The following FAT3 variants were observed in gnomAD, a reference collection of about 807,000 sequenced individuals.
The protein encoded by FAT3 is FAT atypical cadherin 3.
FAT3 carries 95 observed loss-of-function variants against 310.2 expected under a neutral mutation model. The ratio of observed to expected loss-of-function variants is 0.31; its 90% CI spans 0.26 to 0.36. FAT3 has a LOEUF of 0.36. Among genes scored for constraint, FAT3 ranks in the 10% least tolerant of loss-of-function variants. The pLI is 1.00. For synonymous variants in FAT3, 2,314 were observed against 2,192.9 expected (o/e 1.06, Z -1.54); for missense variants, 5,408 against 5,715.6 (o/e 0.95, Z 1.74).
intron 2 of FAT3, among the ~76,000 whole-genome samples, chr11:92,413,830 A>G (rs1950349484): frequency 6.6e-6 from 1 of 152,218 alleles, no homozygotes; most frequent in Non-Finnish European, 1.5e-5. Flanking sequence ...AAAGTTTCTT[A>G]GCAGAACTGA....
intron 3 of FAT3, among the ~76,000 whole-genome samples, chr11:92,536,870 C>A (rs1446065786): frequency 6.6e-6 from 1 of 152,132 alleles, no homozygotes; most frequent in Non-Finnish European, 1.5e-5. Flanking sequence ...TTCAACTTCC[C>A]AAGAGTAAAA....
chr11:92,664,723 A>C (rs1942898775), intron 3 of FAT3, among the ~76,000 whole-genome samples: 2 of 152,210 alleles, frequency 1.3e-5, no homozygotes, highest in African/African-American at 4.8e-5. Context: ...TCATCCCAGA[A>C]TTTTAAACAT....
At chr11:92,253,444 A>G (rs746974198) in intron 1 of FAT3, among the ~76,000 whole-genome samples, 15 of 152,058 alleles carry the variant, frequency 9.9e-5, no homozygotes, top group African/African-American at 2.9e-4. Context: ...TCTATCGTCA[A>G]CTTGGCATAA....
chr11:92,813,925 T>C (rs1379611649), intron 13 of FAT3, among the ~76,000 whole-genome samples: 1 of 152,236 alleles, frequency 6.6e-6, no homozygotes, highest in Non-Finnish European at 1.5e-5. Context: ...ATTCCTCATG[T>C]GTCCATATTA....
At chr11:92,863,510 G>A (rs1856718130) in intron 21 of FAT3, among the ~76,000 whole-genome samples, 1 of 152,158 alleles carries the variant, frequency 6.6e-6, no homozygotes. Context: ...AAATGATCCT[G>A]AGAATCTAAA....
Position 92,251,797 on chromosome 11 carries a change from C to T in FAT3, c.-18+26623C>T, listed in dbSNP as rs184917108. ...GATGAACAAGACAGATAAGGTCTCA[C>T]CCTCATGAAGCTTATTGTTTTTTGA... On this transcript the variant is annotated intron_variant, in intron 1 of 27. Coordinates refer to ENST00000525166, the MANE Select transcript of FAT3 (RefSeq NM_001367949.2). Among the ~76,000 whole-genome samples the T allele has an allele frequency of 2.2e-4, 33 of 152,122 alleles. No homozygotes were observed. The South Asian group carries it at 2.7e-3, about 12-fold the overall frequency.
chr11:92,492,311 G>A (rs1475086550), intron 2 of FAT3, among the ~76,000 whole-genome samples: 1 of 150,514 alleles, frequency 6.6e-6, no homozygotes, highest in Non-Finnish European at 1.5e-5. Context: ...ATCCATCCAT[G>A]CTCACTAACC....
At chr11:92,643,427 T>C (rs1416980206) in intron 3 of FAT3, among the ~76,000 whole-genome samples, 1 of 152,202 alleles carries the variant, frequency 6.6e-6, no homozygotes, top group Non-Finnish European at 1.5e-5. Flanking sequence ...AGGTTTTTCA[T>C]GTAGTGAGAA....
In FAT3 at chr11:92,643,098, A is replaced by T. The variant is rs150743237; in HGVS notation, c.3608-54286A>T. 4.6e-5 allele frequency among the ~76,000 whole-genome samples: 7 copies of T among 152,352 alleles called. No homozygotes were observed. The East Asian group carries it at 1.3e-3, about 29-fold the overall frequency. ...TTCTTATAACGAAGCCAAATCCCAA[A>T]GAGATTAAATTACTTCATGGAGCTC... On this transcript the variant is annotated intron_variant, in intron 3 of 27. Transcript: ENST00000525166.
intron 3 of FAT3, among the ~76,000 whole-genome samples, chr11:92,562,850 C>T (rs1478080041): frequency 6.6e-6 from 1 of 152,152 alleles, no homozygotes; most frequent in East Asian, 1.9e-4. Flanking sequence ...AGATTGGATG[C>T]TGTCCACTCA....
intron 2 of FAT3, among the ~76,000 whole-genome samples, chr11:92,445,784 T>C (rs1455951189): frequency 1.3e-5 from 2 of 152,122 alleles, no homozygotes; most frequent in African/African-American, 4.8e-5. Flanking sequence ...GGTTGTTTCC[T>C]TGGGTCTTTT....
At chr11:92,863,298 T>G (rs1949164259) in intron 21 of FAT3, among the ~76,000 whole-genome samples, 1 of 152,180 alleles carries the variant, frequency 6.6e-6, no homozygotes, top group African/African-American at 2.4e-5. Flanking sequence ...TATTGAATAA[T>G]CCTCTTACAA....
chr11:92,500,688 T>C lies in FAT3; in HGVS notation c.3293-23946T>C, dbSNP rs551666582. 3.7e-3 allele frequency among the ~76,000 whole-genome samples: 565 copies of C among 152,080 alleles called. 8 individuals are homozygous for C. The highest frequency in any genetic ancestry group is 0.024 in the South Asian group (117 of 4,822). On this transcript the variant is annotated intron_variant, in intron 2 of 27. Coordinates refer to ENST00000525166, the MANE Select transcript of FAT3 (RefSeq NM_001367949.2). ...GGAATGAGGCTTTTGCAATAGGTAA[T>C]AGTGTAATCGGTTTTGCCAGCAGCA...
chr11:92,366,501 T>C, intron 2 of FAT3: 1 of 466,912 alleles, frequency 2.1e-6, no homozygotes, highest in Non-Finnish European at 4.3e-6. Flanking sequence ...AGCCCTCACT[T>C]CTTGGCCTTA....
At chr11:92,777,299 A>G (rs995422527) in intron 7 of FAT3, among the ~76,000 whole-genome samples, 1 of 152,186 alleles carries the variant, frequency 6.6e-6, no homozygotes, top group East Asian at 1.9e-4. Context: ...TGTCAAATAA[A>G]TCAGATCCTC....
Position 92,887,084 on chromosome 11 carries a change from C to A in FAT3, c.13022C>A (p.Ser4341Tyr). 1 of 1,611,600 alleles carries A rather than the reference C, an allele frequency of 6.2e-7. No individual in the cohort carries two copies. The highest frequency in any genetic ancestry group is 8.5e-7 in the Non-Finnish European group (1 of 1,179,110). ...AACTCTGAAGTTCAGTCCCTCAGCT[C>A]CTTCCAGTCAGATTCTGGTGACGAC... ...GSNSEVQSLS[S>Y]FQSDSGDDNA... Residue 4341 changes from serine to tyrosine, a missense_variant, in exon 25 of 28, where the codon TCC becomes TAC. By Grantham distance (144) the Ser-to-Tyr change is moderately radical. This residue lies in a region of FAT3 where 649 missense variants were observed against 666.2 expected (regional missense o/e 0.97). Coordinates refer to ENST00000525166, the MANE Select transcript of FAT3 (RefSeq NM_001367949.2).
intron 4 of FAT3, among the ~76,000 whole-genome samples, chr11:92,728,824 G>A (rs772819055): frequency 6.6e-6 from 1 of 152,118 alleles, no homozygotes; most frequent in Non-Finnish European, 1.5e-5. Flanking sequence ...CCTCTTCCGA[G>A]TGTAACCTCA....
At chr11:92,490,833 G>A (rs1457386613) in intron 2 of FAT3, among the ~76,000 whole-genome samples, 1 of 152,056 alleles carries the variant, frequency 6.6e-6, no homozygotes, top group Non-Finnish European at 1.5e-5. Flanking sequence ...GATCTTGCTA[G>A]GCAGCTTGAT....
chr11:92,865,499 C>T (rs1949219249), intron 21 of FAT3, among the ~76,000 whole-genome samples: 1 of 152,180 alleles, frequency 6.6e-6, no homozygotes, highest in South Asian at 2.1e-4. Flanking sequence ...TGCCAACAGA[C>T]TAGTGTTAGT....
Sources: gnomAD v4.1 joint callset for allele counts (sites outside exome capture counted in the v4.1 genomes callset) on GRCh38, gnomAD v4.1.1 for gene constraint, gnomAD v4.1.1 regional missense constraint, MANE v1.5 for transcripts, NCBI Gene and HGNC (gene_info 2026-07-23, HGNC 2026-07-21) for gene names.